Variants in MARCHF1 observed in about 807,000 individuals in gnomAD.
MARCHF1 encodes the protein membrane associated ring-CH-type finger 1.
Under a neutral mutation model 54.2 loss-of-function variants are expected in MARCHF1, and 40 were observed. That is an observed-to-expected ratio of 0.74 (90% CI 0.57 to 0.96). The LOEUF is 0.96. Ranked by LOEUF, MARCHF1 falls within the 40% of genes least tolerant of loss-of-function variation. The pLI, the probability that MARCHF1 is intolerant of heterozygous loss-of-function variation, is 0.00. For synonymous variants in MARCHF1, 236 were observed against 236.3 expected (o/e 1.00, Z 0.01); for missense variants, 586 against 656.5 (o/e 0.89, Z 1.17).
At chr4:163,755,012 G>A (rs1262492613) in intron 4 of MARCHF1, among the ~76,000 whole-genome samples, 1 of 152,134 alleles carries the variant, frequency 6.6e-6, no homozygotes, top group Non-Finnish European at 1.5e-5. Flanking sequence ...GGATGATTTT[G>A]CCCCCAAGGG....
intron 2 of MARCHF1, among the ~76,000 whole-genome samples, chr4:164,044,616 G>T (rs956295789): frequency 6.6e-6 from 1 of 152,116 alleles, no homozygotes; most frequent in Non-Finnish European, 1.5e-5. Flanking sequence ...TTGACTTTGA[G>T]GGAGCAGGTG....
intron 3 of MARCHF1, among the ~76,000 whole-genome samples, chr4:163,975,877 A>G (rs1344787469): frequency 6.6e-6 from 1 of 152,156 alleles, no homozygotes; most frequent in Non-Finnish European, 1.5e-5. Context: ...GATACACAGG[A>G]AGCCCATACA....
At chr4:163,988,389 G>GAC (rs952933350) in intron 3 of MARCHF1, 112 bp downstream of exon 3, 15 of 152,216 alleles carry the variant, frequency 9.9e-5, no homozygotes. Context: ...GTTACACACT[G>GAC]ACAGCTGGGA....
chr4:164,032,240 T>C (rs763271578), intron 2 of MARCHF1, among the ~76,000 whole-genome samples: 3 of 152,300 alleles, frequency 2.0e-5, no homozygotes, highest in Non-Finnish European at 2.9e-5. Context: ...TTTATTAGTC[T>C]AGCTAGTGGG....
intron 2 of MARCHF1, among the ~76,000 whole-genome samples, chr4:164,070,255 A>C (rs905154359): frequency 6.6e-6 from 1 of 152,168 alleles, no homozygotes; most frequent in Non-Finnish European, 1.5e-5. Context: ...TTAAGAAAAG[A>C]GTTTTCTGTC....
chr4:164,029,631 G>C (rs777179389), intron 2 of MARCHF1, among the ~76,000 whole-genome samples: 16 of 151,838 alleles, frequency 1.1e-4, no homozygotes, highest in Non-Finnish European at 2.2e-4. Context: ...GTCTTGCTCT[G>C]TCACCCAGGC....
intron 4 of MARCHF1, among the ~76,000 whole-genome samples, chr4:163,701,642 T>C (rs942944493): frequency 6.6e-6 from 1 of 152,150 alleles, no homozygotes; most frequent in African/African-American, 2.4e-5. Context: ...TATGTGCTGA[T>C]AGATGATCAA....
intron 2 of MARCHF1, among the ~76,000 whole-genome samples, chr4:164,034,448 C>T (rs1753951689): frequency 6.6e-6 from 1 of 152,070 alleles, no homozygotes; most frequent in Non-Finnish European, 1.5e-5. Context: ...AACTACCATT[C>T]AACCCAGTAA....
At chr4:163,965,501 T>C (rs548475614) in intron 3 of MARCHF1, among the ~76,000 whole-genome samples, 1 of 152,146 alleles carries the variant, frequency 6.6e-6, no homozygotes, top group South Asian at 2.1e-4. Flanking sequence ...AGAGTCTGGG[T>C]TCCTTATGGA....
At chr4:163,983,122 A>G (rs1752794758) in intron 3 of MARCHF1, among the ~76,000 whole-genome samples, 1 of 152,238 alleles carries the variant, frequency 6.6e-6, no homozygotes, top group African/African-American at 2.4e-5. Flanking sequence ...ACTCAGGCCT[A>G]TCCTGCCTGA....
chr4:164,219,731 C>T (rs562077371), intron 1 of MARCHF1, among the ~76,000 whole-genome samples: 55 of 151,896 alleles, frequency 3.6e-4, no homozygotes, highest in African/African-American at 1.3e-3. Flanking sequence ...ATTAAAAGTC[C>T]AATGACTCGG....
intron 5 of MARCHF1, among the ~76,000 whole-genome samples, chr4:163,664,624 T>G (rs1743467099): frequency 1.3e-5 from 2 of 152,084 alleles, no homozygotes. Context: ...GTTCCTAACA[T>G]GCTAGAATAA....
chr4:164,181,419 A>G (rs959851934), intron 1 of MARCHF1, among the ~76,000 whole-genome samples: 7 of 152,190 alleles, frequency 4.6e-5, no homozygotes, highest in South Asian at 2.1e-4. Flanking sequence ...TTTAGCACAC[A>G]CTAAGGCATA....
intron 4 of MARCHF1, among the ~76,000 whole-genome samples, chr4:163,782,393 G>A (rs1048638507): frequency 3.3e-5 from 5 of 152,180 alleles, no homozygotes; most frequent in South Asian, 2.1e-4. Context: ...CCAGCAGGCC[G>A]GGTGTGGTGG....
rs187164903 is a variant in MARCHF1 at position 163,885,552 on chromosome 4, G to A, written c.-38-31383C>T. Among the ~76,000 whole-genome samples the A allele has an allele frequency of 1.1e-4, 17 of 152,206 alleles. No individual in the cohort carries two copies. The East Asian group carries it at 3.1e-3, about 28-fold the overall frequency. ...AAATTCTCAAAATTACTATTTGAAA[G>A]ATGTTTCCTGTCCTCTATCATCAGC... On this transcript the variant is annotated intron_variant, in intron 3 of 9. Coordinates refer to ENST00000514618, the MANE Select transcript of MARCHF1 (RefSeq NM_001394959.1).
intron 2 of MARCHF1, among the ~76,000 whole-genome samples, chr4:163,990,276 A>G (rs1235451751): frequency 6.6e-6 from 1 of 152,150 alleles, no homozygotes; most frequent in Non-Finnish European, 1.5e-5. Flanking sequence ...GGGAGATTTT[A>G]TAATGCATAG....
intron 7 of MARCHF1, among the ~76,000 whole-genome samples, chr4:163,607,094 AGAGT>A (rs1465868147): frequency 6.6e-6 from 1 of 152,036 alleles, no homozygotes; most frequent in African/African-American, 2.4e-5. Context: ...AAGGAGAGAG[AGAGT>A]GAGAGAACCA....
chr4:164,138,235 T>C (rs1756443495), intron 1 of MARCHF1, among the ~76,000 whole-genome samples: 1 of 152,090 alleles, frequency 6.6e-6, no homozygotes, highest in Non-Finnish European at 1.5e-5. Context: ...TTTTTTCTTT[T>C]GCAATTGTAA....
At chr4:163,608,524 A>G (rs181596484) in intron 7 of MARCHF1, among the ~76,000 whole-genome samples, 48 of 152,234 alleles carry the variant, frequency 3.2e-4, no homozygotes, top group African/African-American at 1.2e-3. Context: ...ATGGGCTAAC[A>G]TGATCTGATT....
Sources: gnomAD v4.1 joint callset for allele counts (sites outside exome capture counted in the v4.1 genomes callset) on GRCh38, gnomAD v4.1.1 for gene constraint, MANE v1.5 for transcripts, NCBI Gene and HGNC (gene_info 2026-07-23, HGNC 2026-07-21) for gene names.